Variants in ZSCAN20 observed in about 807,000 individuals in gnomAD.
The protein encoded by ZSCAN20 is zinc finger and SCAN domain containing 20, also known as zinc finger and SCAN domain-containing protein 20.
ZSCAN20 carries 39 observed loss-of-function variants against 97.1 expected under a neutral mutation model. The observed-to-expected ratio is 0.40, with a 90% CI of 0.31 to 0.52. The LOEUF is 0.52. Among genes scored for constraint, ZSCAN20 ranks in the 20% least tolerant of loss-of-function variants. The pLI is 0.49. For synonymous variants in ZSCAN20, 456 were observed against 467.3 expected (o/e 0.98, Z 0.31); for missense variants, 1,115 against 1,290.4 (o/e 0.86, Z 2.08).
Position 33,494,722 on chromosome 1 carries a change from C to T in ZSCAN20, c.2378C>T (p.Pro793Leu), listed in dbSNP as rs1311120266. 5 of 1,613,956 alleles carry T rather than the reference C, an allele frequency of 3.1e-6. No individual in the cohort carries two copies. The Admixed American group carries it at 6.7e-5, about 22-fold the overall frequency. ...THQRIHTGEK[P>L]YKCGECWKSF... ...CAGAGAATTCACACGGGGGAAAAGC[C>T]CTATAAATGTGGAGAATGTTGGAAA... The change falls in exon 8 of 8, where the codon CCC becomes CTC. Residue 793 changes from proline to leucine, a missense_variant. Coordinates refer to ENST00000684572, the MANE Select transcript of ZSCAN20 (RefSeq NM_001377376.1).
At position 33,501,637 on chromosome 1, in the gene ZSCAN20, CA is replaced by C. The variant is rs1653078246; in HGVS notation, c.*6167del. ...AAGTTAATAAATTATATTAAACTGC[CA>C]AAAAAGGAATGTGTTTTCGATTCTT... On this transcript the variant is annotated 3_prime_UTR_variant, in exon 8 of 8. Transcript: ENST00000684572. Among the ~76,000 whole-genome samples, 1 of 150,814 alleles carries C rather than the reference CA, an allele frequency of 6.6e-6. No homozygotes were observed.
chr1:33,484,319 G>A (rs1215443115), intron 2 of ZSCAN20, among the ~76,000 whole-genome samples: 2 of 152,178 alleles, frequency 1.3e-5, no homozygotes, highest in Non-Finnish European at 2.9e-5. Flanking sequence ...GATGTTAGCT[G>A]TAGGTTTTTT....
Position 33,479,423 on chromosome 1 carries a change from T to C in ZSCAN20, c.135T>C (p.Ser45=). 6.2e-7 allele frequency: 1 copy of C among 1,614,260 alleles called. No homozygotes were observed. The highest frequency in any genetic ancestry group is 8.5e-7 in the Non-Finnish European group (1 of 1,180,038). The change falls in exon 2 of 8, where the codon TCT becomes TCC. Residue 45 remains serine (S), a synonymous_variant. Coordinates refer to ENST00000684572, the MANE Select transcript of ZSCAN20 (RefSeq NM_001377376.1). ...KLWEKDRGSV[S]GPEASRQRFR... ...GGGAGAAGGACCGTGGCTCTGTCTCTGGCCCAGAGGCCTCCCGCCAGCGCT... is the reference window on the plus strand; with the variant it reads ...GGGAGAAGGACCGTGGCTCTGTCTCCGGCCCAGAGGCCTCCCGCCAGCGCT...
chr1:33,483,019 C>T (rs535797544), intron 2 of ZSCAN20, among the ~76,000 whole-genome samples: 2 of 152,286 alleles, frequency 1.3e-5, no homozygotes, highest in Non-Finnish European at 2.9e-5. Flanking sequence ...GGCTTGTCTT[C>T]TCATTCTCTT....
At chr1:33,487,571 GA>G (rs1247028618) in intron 2 of ZSCAN20, among the ~76,000 whole-genome samples, 2 of 151,390 alleles carry the variant, frequency 1.3e-5, no homozygotes, top group South Asian at 2.1e-4. Flanking sequence ...TTTTGAGTTA[GA>G]GTGCCTTGTC....
At chr1:33,475,614 C>T (rs1017018113) in intron 1 of ZSCAN20, among the ~76,000 whole-genome samples, 4 of 152,132 alleles carry the variant, frequency 2.6e-5, no homozygotes, top group Non-Finnish European at 5.9e-5. Flanking sequence ...AGATAGTGAA[C>T]GCAACTGGCT....
At chr1:33,476,264 C>G (rs769869976) in intron 1 of ZSCAN20, among the ~76,000 whole-genome samples, 5 of 152,178 alleles carry the variant, frequency 3.3e-5, no homozygotes, top group Non-Finnish European at 7.4e-5. Context: ...TGGCCTCCCT[C>G]TCCCCACAAT....
chr1:33,501,153 C>A lies in ZSCAN20; in HGVS notation c.*5677C>A, dbSNP rs16835519. On this transcript the variant is annotated 3_prime_UTR_variant, in exon 8 of 8. Coordinates refer to ENST00000684572, the MANE Select transcript of ZSCAN20 (RefSeq NM_001377376.1). ...AGAGGAAAGGGCTTGTTCATGACCA[C>A]GTATGAGGTCGCCAACCCAACCCTG... Among the ~76,000 whole-genome samples the A allele has an allele frequency of 6.6e-6, 1 of 152,054 alleles. No homozygotes were observed. The highest frequency in any genetic ancestry group is 1.5e-5 in the Non-Finnish European group (1 of 68,004).
At chr1:33,485,883 C>T (rs1570554242) in intron 2 of ZSCAN20, among the ~76,000 whole-genome samples, 1 of 152,086 alleles carries the variant, frequency 6.6e-6, no homozygotes, top group African/African-American at 2.4e-5. Context: ...ATTTGCTCTT[C>T]TTTTTTCTAG....
rs897959907 is a variant in ZSCAN20 at position 33,479,165 on chromosome 1, T to G, written c.-110-14T>G. Reference sequence around the variant, plus strand: ...CCTTTTGCTCACACTCTATCCTTTGTCTTTCTGCCTTAGAGCCTTGGGGAG... The same window carrying G: ...CCTTTTGCTCACACTCTATCCTTTGGCTTTCTGCCTTAGAGCCTTGGGGAG... On this transcript the variant is annotated splice_polypyrimidine_tract_variant and intron_variant, in intron 1 of 7. Coordinates refer to ENST00000684572, the MANE Select transcript of ZSCAN20 (RefSeq NM_001377376.1). The G allele has an allele frequency of 2.8e-6, 3 of 1,054,736 alleles. No individual in the cohort carries two copies. The African/African-American group carries it at 4.8e-5, about 17-fold the overall frequency. 65.3% of individuals were successfully genotyped at this position (1,054,736 alleles called of 1,614,324 possible). A position where few individuals can be genotyped will look rare whatever the true frequency, so the allele number is the denominator to read the frequency against.
chr1:33,491,113 G>A lies in ZSCAN20; in HGVS notation c.855G>A (p.Arg285=). The A allele has an allele frequency of 6.2e-7, 1 of 1,613,930 alleles. No homozygotes were observed. The highest frequency in any genetic ancestry group is 8.5e-7 in the Non-Finnish European group (1 of 1,180,006). ...TAAGTCTTATAAATTCTGGGAAAAG[G>A]AGCACTGCAGATTACAGCCTGGATA... ...WGLSLINSGK[R]STADYSLDNE... Residue 285 remains arginine (R), a synonymous_variant, in exon 6 of 8, where the codon AGG becomes AGA. Coordinates refer to ENST00000684572, the MANE Select transcript of ZSCAN20 (RefSeq NM_001377376.1). This position sits in a 1 kb window ranked among gnomAD's most constrained non-coding sequence, Gnocchi z 4.3.
chr1:33,480,378 A>G (rs896957120), intron 2 of ZSCAN20, among the ~76,000 whole-genome samples: 2 of 152,228 alleles, frequency 1.3e-5, no homozygotes, highest in Non-Finnish European at 2.9e-5. Context: ...CAAAATGCCA[A>G]GTGGCCCACA....
chr1:33,480,072 C>T (rs1652092221), intron 2 of ZSCAN20, among the ~76,000 whole-genome samples: 1 of 152,206 alleles, frequency 6.6e-6, no homozygotes, highest in Non-Finnish European at 1.5e-5. Context: ...AACTGCCTCC[C>T]ACTACCGTAT....
rs1039388728 is a variant in ZSCAN20, at chr1:33,499,267, C to T, written c.*3791C>T. Among the ~76,000 whole-genome samples, 6 of 152,200 alleles carry T rather than the reference C, an allele frequency of 3.9e-5. No homozygotes were observed. Among genetic ancestry groups the T allele is most frequent in the Non-Finnish European group, 7.4e-5 (5 of 68,026 alleles). ...GGGTGTTGCAGGTGAACTTGCCTCA[C>T]CCAGGCTGTTCTGGGTCTTTGTACT... On this transcript the variant is annotated 3_prime_UTR_variant, in exon 8 of 8. Coordinates refer to ENST00000684572, the MANE Select transcript of ZSCAN20 (RefSeq NM_001377376.1).
rs1336899555 is a variant in ZSCAN20, at chr1:33,491,114, A to G, written c.856A>G (p.Ser286Gly). The G allele has an allele frequency of 8.7e-6, 14 of 1,614,018 alleles. No homozygotes were observed. The highest frequency in any genetic ancestry group is 1.6e-4 in the Middle Eastern group (1 of 6,062). ...AAGTCTTATAAATTCTGGGAAAAGG[A>G]GCACTGCAGATTACAGCCTGGATAA... ...GLSLINSGKR[S>G]TADYSLDNEP... The change falls in exon 6 of 8, where the codon AGC (serine) becomes GGC (glycine). Residue 286 changes from serine to glycine, a missense_variant. By Grantham distance (56) the Ser-to-Gly change is moderately conservative. Around this residue, in one of 3 missense-constraint regions of ZSCAN20, gnomAD observed 508 missense variants for 611.2 expected, o/e 0.83. Coordinates refer to ENST00000684572, the MANE Select transcript of ZSCAN20 (RefSeq NM_001377376.1). The surrounding 1 kb of genome is among the most constrained non-coding windows in gnomAD (Gnocchi z 4.3).
intron 1 of ZSCAN20, among the ~76,000 whole-genome samples, chr1:33,477,794 G>C (rs1405253883): frequency 6.6e-6 from 1 of 151,536 alleles, no homozygotes; most frequent in Admixed American, 6.6e-5. Flanking sequence ...CTCTTGGGAA[G>C]CTAATGATCT....
At chr1:33,492,429 C>T (rs373301154) in intron 6 of ZSCAN20, 1 of 152,172 alleles carries the variant, frequency 6.6e-6, no homozygotes, top group East Asian at 1.9e-4. Flanking sequence ...CTATTTGAAA[C>T]TCATTTATGC....
rs779881219 is a variant in ZSCAN20, at chr1:33,479,538, A to G, written c.250A>G (p.Ile84Val). ...ALCCRWLRPE[I>V]RLKEQILELL... ...CTGCTGTCGTTGGCTGAGGCCGGAGATCCGTCTCAAAGAGCAGATCCTGGA... is the reference window on the plus strand; with the variant it reads ...CTGCTGTCGTTGGCTGAGGCCGGAGGTCCGTCTCAAAGAGCAGATCCTGGA... The change falls in exon 2 of 8, where the codon ATC becomes GTC. Residue 84 changes from isoleucine (I) to valine (V), a missense_variant. Physicochemically the swap from Ile to Val is conservative, Grantham distance 29 (BLOSUM62 3). This residue lies in a region of ZSCAN20 where 508 missense variants were observed against 611.2 expected (regional missense o/e 0.83). Transcript: ENST00000684572. The G allele has an allele frequency of 2.5e-6, 4 of 1,613,488 alleles. No homozygotes were observed. The South Asian group carries it at 3.3e-5, about 13-fold the overall frequency.
intron 4 of ZSCAN20, 141 bp downstream of exon 4, chr1:33,489,332 A>G (rs1217154363): frequency 1.9e-6 from 2 of 1,059,256 alleles, no homozygotes; most frequent in African/African-American, 1.6e-5. Flanking sequence ...CTTCACCCCC[A>G]GCCTGCTGGG....
Sources: gnomAD v4.1 joint callset for allele counts (sites outside exome capture counted in the v4.1 genomes callset) on GRCh38, gnomAD v4.1.1 for gene constraint, gnomAD v4.1.1 regional missense constraint, Gnocchi (gnomAD v3.1) non-coding constraint, MANE v1.5 for transcripts, NCBI Gene and HGNC (gene_info 2026-07-23, HGNC 2026-07-21) for gene names.